The following CZIB variants were observed in gnomAD, a reference collection of about 807,000 sequenced individuals.
CZIB encodes the protein UPF0587 protein C1orf123.
In CZIB, 26 loss-of-function variants were observed where a neutral mutation model predicts 28.3. That is an observed-to-expected ratio of 0.92 (90% CI 0.67 to 1.27). CZIB has a LOEUF of 1.27. Among genes scored for constraint, CZIB ranks in the 50% most tolerant of loss-of-function variants. The pLI is 0.00. For synonymous variants in CZIB, 78 were observed against 71.1 expected (o/e 1.10, Z -0.49); for missense variants, 179 against 197.3 (o/e 0.91, Z 0.56).
At chr1:53,219,374 G>A (rs749965446) in intron 2 of CZIB, 6 of 195,262 alleles carry the variant, frequency 3.1e-5, no homozygotes, top group South Asian at 1.9e-4. Flanking sequence ...AATGATACAC[G>A]TTTGAGGTGA....
chr1:53,219,894 G>A (rs895405610), intron 2 of CZIB: 1 of 219,980 alleles, frequency 4.5e-6, no homozygotes, highest in Non-Finnish European at 9.2e-6. Context: ...GGCTAAGGAA[G>A]GGTGGATTAC....
chr1:53,216,858 G>A lies in CZIB; in HGVS notation c.263C>T (p.Ala88Val). 6.2e-7 allele frequency: 1 copy of A among 1,613,950 alleles called. No individual in the cohort carries two copies. Among genetic ancestry groups the A allele is most frequent in the South Asian group, 1.1e-5 (1 of 91,072 alleles). Reference protein sequence around the residue: ...ILSSTIKPYNAEDNENFKTIV... With the variant: ...ILSSTIKPYNVEDNENFKTIV... ...TGTCTTGAAGTTCTCATTGTCTTCA[G>A]CCTAGAAAGGAAGTGTGTTGAGGAG... Residue 88 changes from alanine to valine, a missense_variant and splice_region_variant, in exon 6 of 8, where the codon GCT (alanine) becomes GTT (valine). Coordinates refer to ENST00000294360, the MANE Select transcript of CZIB (RefSeq NM_017887.3).
chr1:53,219,915 A>G (rs1235009667), intron 2 of CZIB: 5 of 256,842 alleles, frequency 1.9e-5, no homozygotes, highest in Non-Finnish European at 3.0e-5. Context: ...GCACAAAATT[A>G]AACTATTTCA....
chr1:53,220,453 GCCT>G, intron 1 of CZIB, 109 bp from the exon 2 acceptor site: 1 of 1,575,782 alleles, frequency 6.3e-7, no homozygotes, highest in South Asian at 1.1e-5. Context: ...CACTCCTTCT[GCCT>G]CCTGCTCCTT....
chr1:53,218,379 C>T (rs1442577795), intron 4 of CZIB, 35 bp downstream of exon 4: 3 of 1,610,598 alleles, frequency 1.9e-6, no homozygotes, highest in Admixed American at 3.3e-5. Context: ...CTGTGGGCCA[C>T]CCTGGCAGAA....
At chr1:53,220,503 G>T in intron 1 of CZIB, 67 bp downstream of exon 1, 1 of 1,598,266 alleles carries the variant, frequency 6.3e-7, no homozygotes, top group African/African-American at 1.3e-5. Flanking sequence ...CTCCTGGCGC[G>T]AGCTGTTGCC....
chr1:53,214,336 C>T lies in CZIB; in HGVS notation c.*323G>A, dbSNP rs1645453569. 1 of 278,518 alleles carries T rather than the reference C, an allele frequency of 3.6e-6. No homozygotes were observed. The highest frequency in any genetic ancestry group is 6.9e-6 in the Non-Finnish European group (1 of 145,488). The allele number at this position is 278,518 out of a possible 1,614,324, so 17.3% of individuals were successfully genotyped here. A position where few individuals can be genotyped will look rare whatever the true frequency, so the allele number is the denominator to read the frequency against. On this transcript the variant is annotated 3_prime_UTR_variant, in exon 8 of 8. Coordinates refer to ENST00000294360, the MANE Select transcript of CZIB (RefSeq NM_017887.3). ...TGATGGTGGGATCGCGGTTTCATCT[C>T]TGTAAACTTGCCCTTGACTGGGGAG...
Position 53,218,166 on chromosome 1 carries a change from A to G in CZIB, c.261+6T>C. The stretch of plus-strand genomic sequence containing the variant: ...ACCATCCCTGCCACTACAGCAGCAA[A>G]CTTACATTGTAAGGCTTGATGGTGC... On this transcript the variant is annotated splice_donor_region_variant and intron_variant, in intron 5 of 7. Coordinates refer to ENST00000294360, the MANE Select transcript of CZIB (RefSeq NM_017887.3). The G allele has an allele frequency of 1.2e-6, 2 of 1,614,030 alleles. No individual in the cohort carries two copies. The highest frequency in any genetic ancestry group is 1.7e-6 in the Non-Finnish European group (2 of 1,179,920).
chr1:53,218,949 A>C, intron 2 of CZIB, 26 bp from the exon 3 acceptor site: 1 of 1,604,676 alleles, frequency 6.2e-7, no homozygotes, highest in South Asian at 1.1e-5. Flanking sequence ...ATGTTAGTAA[A>C]GCAGCTGGCT....
At chr1:53,217,128 C>T (rs907442285) in intron 5 of CZIB, 1 of 394,720 alleles carries the variant, frequency 2.5e-6, no homozygotes, top group Non-Finnish European at 4.7e-6. Context: ...CTATCTTCCC[C>T]TCTGGGCCCA....
At chr1:53,216,108 C>G in intron 6 of CZIB, 52 bp from the exon 7 acceptor site, 1 of 1,588,936 alleles carries the variant, frequency 6.3e-7, no homozygotes, top group Non-Finnish European at 8.6e-7. Context: ...AGGCATTGGG[C>G]TATAAGTAAG....
chr1:53,218,059 G>A, intron 5 of CZIB, 113 bp downstream of exon 5: 3 of 1,125,242 alleles, frequency 2.7e-6, no homozygotes, highest in Non-Finnish European at 3.9e-6. Flanking sequence ...AAGTTCATGA[G>A]TGAATGTCCT....
At chr1:53,217,074 G>A (rs914596508) in intron 5 of CZIB, 63 of 510,592 alleles carry the variant, frequency 1.2e-4, no homozygotes, top group Middle Eastern at 5.3e-4. Flanking sequence ...GCAGAAGAGC[G>A]TGGATGCTGG....
chr1:53,218,980 A>T, intron 2 of CZIB, 57 bp from the exon 3 acceptor site: 2 of 1,478,980 alleles, frequency 1.4e-6, no homozygotes, highest in Non-Finnish European at 1.9e-6. Flanking sequence ...GACACCAAGG[A>T]AAGGGTAAGA....
chr1:53,220,221 A>G, intron 2 of CZIB, 40 bp downstream of exon 2: 1 of 1,565,476 alleles, frequency 6.4e-7, no homozygotes, highest in Non-Finnish European at 8.8e-7. Flanking sequence ...CACTGAGATC[A>G]GGACGGGCCT....
chr1:53,216,326 C>G (rs552035874), intron 6 of CZIB, among the ~76,000 whole-genome samples: 1 of 152,198 alleles, frequency 6.6e-6, no homozygotes, highest in Non-Finnish European at 1.5e-5. Context: ...GCTGAAGGCT[C>G]CTGGGCATGT....
At chr1:53,218,787 C>T (rs1645491048) in intron 3 of CZIB, 80 bp downstream of exon 3, 1 of 1,399,894 alleles carries the variant, frequency 7.1e-7, no homozygotes, top group Non-Finnish European at 1.0e-6. Context: ...GAGATGAAGG[C>T]CAGTTTCCCC....
At chr1:53,216,962 C>T in intron 5 of CZIB, 103 bp from the exon 6 acceptor site, 1 of 998,918 alleles carries the variant, frequency 1.0e-6, no homozygotes, top group Non-Finnish European at 1.6e-6. Context: ...CCCCTGGAGG[C>T]CTAGTATGAG....
rs773615070 is a variant in CZIB, at chr1:53,216,866, AG to A, written c.262-8del. 2.2e-5 allele frequency: 35 copies of A among 1,613,766 alleles called. No individual in the cohort carries two copies. Among genetic ancestry groups the A allele is most frequent in the Non-Finnish European group, 2.8e-5 (33 of 1,179,738 alleles). On this transcript the variant is annotated splice_polypyrimidine_tract_variant and splice_region_variant and intron_variant, in intron 5 of 7. Coordinates refer to ENST00000294360, the MANE Select transcript of CZIB (RefSeq NM_017887.3). ...AGTTCTCATTGTCTTCAGCCTAGAA[AG>A]GAAGTGTGTTGAGGAGGCAGGCCCA...
Sources: allele counts gnomAD v4.1 joint callset (sites outside exome capture counted in the v4.1 genomes callset), GRCh38; gene constraint gnomAD v4.1.1; transcripts MANE v1.5; gene names NCBI Gene and HGNC (gene_info 2026-07-23, HGNC 2026-07-21).